SLC18A2: variants seen among roughly 807,000 people sequenced by gnomAD.
The protein encoded by SLC18A2 is solute carrier family 18 member A2.
Under a neutral mutation model 59.2 loss-of-function variants are expected in SLC18A2, and 33 were observed. The ratio of observed to expected loss-of-function variants is 0.56; its 90% CI spans 0.42 to 0.75. The LOEUF (loss-of-function observed/expected upper bound fraction) is 0.75, where lower values mean the gene tolerates loss of function less well. SLC18A2 is among the 30% of genes least tolerant of loss of function. The pLI is 0.00. For synonymous variants in SLC18A2, 228 were observed against 253.5 expected, an observed-to-expected ratio of 0.90 and a Z score of 0.95; for missense variants, 569 against 668.6, an observed-to-expected ratio of 0.85 and a Z score of 1.64.
In SLC18A2 at chr10:117,264,977, C is replaced by T. The variant is rs556027664; in HGVS notation, c.992-1756C>T. On this transcript the variant is annotated intron_variant, in intron 10 of 15. Coordinates refer to ENST00000644641, the MANE Select transcript of SLC18A2 (RefSeq NM_003054.6). ...AGTTTAAACGTCATCTGCTCCTTTC[C>T]TTCAAAACACTTGCGTCAGGACAAG... Among the ~76,000 whole-genome samples the T allele has an allele frequency of 5.9e-5, 9 of 152,288 alleles. No individual in the cohort carries two copies. The East Asian group carries it at 1.5e-3, about 26-fold the overall frequency.
At chr10:117,253,560 CG>C (rs199881047) in intron 4 of SLC18A2, 103 bp downstream of exon 4, 18 of 175,406 alleles carry the variant, frequency 1.0e-4, no homozygotes, top group African/African-American at 6.2e-4. Context: ...GGCGGGGGGG[CG>C]GGGGGGGTCG....
At chr10:117,276,716 T>C (rs182841443) in intron 15 of SLC18A2, among the ~76,000 whole-genome samples, 1 of 151,424 alleles carries the variant, frequency 6.6e-6, no homozygotes, top group African/African-American at 2.4e-5. Flanking sequence ...CAGACTTAGG[T>C]ACATTTCTCA....
rs188958648 is a variant in SLC18A2 at position 117,266,002 on chromosome 10, A to G, written c.992-731A>G. Among the ~76,000 whole-genome samples the G allele has an allele frequency of 9.3e-3, 1,407 of 150,898 alleles. 78 individuals carry two copies. The highest frequency in any genetic ancestry group is 0.088 in the Admixed American group (1,319 of 14,986). ...CTACTTGGGAGGCTGAGGCAAGAGA[A>G]TCACTTGAACCTGGGAGGCAGAGGT... On this transcript the variant is annotated intron_variant, in intron 10 of 15. Transcript: ENST00000644641.
At chr10:117,267,608 C>T (rs1218928512) in intron 12 of SLC18A2, 65 bp from the exon 13 acceptor site, 26 of 1,273,450 alleles carry the variant, frequency 2.0e-5, no homozygotes, top group Non-Finnish European at 2.9e-5. Flanking sequence ...AAGTTCAAGA[C>T]TTTCCGAGAT....
intron 15 of SLC18A2, among the ~76,000 whole-genome samples, chr10:117,274,292 T>A (rs1844460115): frequency 6.6e-6 from 1 of 152,174 alleles, no homozygotes; most frequent in South Asian, 2.1e-4. Context: ...CTAATAAATA[T>A]GTTTTTGGTG....
At chr10:117,275,301 G>A (rs1048340875) in intron 15 of SLC18A2, among the ~76,000 whole-genome samples, 1 of 152,140 alleles carries the variant, frequency 6.6e-6, no homozygotes, top group African/African-American at 2.4e-5. Context: ...ATGTTACACA[G>A]ATCACTGGAT....
At chr10:117,264,900 C>T (rs1565007246) in intron 10 of SLC18A2, among the ~76,000 whole-genome samples, 1 of 152,156 alleles carries the variant, frequency 6.6e-6, no homozygotes, top group African/African-American at 2.4e-5. Context: ...GTTCCAGGTC[C>T]CCAGAGCATG....
intron 10 of SLC18A2, 21 bp from the exon 11 acceptor site, chr10:117,266,712 C>T (rs752480059): frequency 6.4e-6 from 10 of 1,557,998 alleles, no homozygotes; most frequent in Non-Finnish European, 8.8e-6. Context: ...CTGATAAGGT[C>T]TCCTTTTCAT....
intron 4 of SLC18A2, among the ~76,000 whole-genome samples, 185 bp downstream of exon 4, chr10:117,253,642 C>T (rs1430093193): frequency 1.3e-5 from 2 of 151,928 alleles, no homozygotes; most frequent in Non-Finnish European, 2.9e-5. Flanking sequence ...GGTCAGGAGT[C>T]CGAGACCAAC....
chr10:117,264,034 A>T (rs1565006974), intron 10 of SLC18A2, among the ~76,000 whole-genome samples: 1 of 152,178 alleles, frequency 6.6e-6, no homozygotes, highest in Non-Finnish European at 1.5e-5. Flanking sequence ...GAGGAAACCC[A>T]AGGTCTCATT....
chr10:117,242,627 A>G (rs1022317766), intron 2 of SLC18A2, among the ~76,000 whole-genome samples: 1 of 152,226 alleles, frequency 6.6e-6, no homozygotes, highest in Non-Finnish European at 1.5e-5. Context: ...TACCAACGGC[A>G]TTAGTTCTGC....
chr10:117,267,038 G>A lies in SLC18A2; in HGVS notation c.1122+3G>A, dbSNP rs1248186052. ...TTGTTGGAGTCAGCATTTTATGTGT[G>A]AGTAAAAGATGGCATTTGACAAGTG... is the stretch of plus-strand genomic sequence containing the variant. On this transcript the variant is annotated splice_donor_region_variant and intron_variant, in intron 12 of 15. Transcript: ENST00000644641. The A allele has an allele frequency of 1.2e-6, 2 of 1,611,280 alleles. No individual in the cohort carries two copies. The highest frequency in any genetic ancestry group is 3.3e-5 in the Admixed American group (2 of 59,848).
intron 15 of SLC18A2, among the ~76,000 whole-genome samples, chr10:117,270,847 AC>A (rs1231215167): frequency 1.3e-5 from 2 of 152,100 alleles, no homozygotes; most frequent in African/African-American, 2.4e-5. Context: ...TTTTCTCATA[AC>A]CCTTACAGCA....
chr10:117,250,667 G>T (rs959216557), intron 3 of SLC18A2, among the ~76,000 whole-genome samples: 1 of 152,156 alleles, frequency 6.6e-6, no homozygotes, highest in African/African-American at 2.4e-5. Flanking sequence ...CACACTCAGG[G>T]TATGCCCGTA....
rs1028343735 is a variant in SLC18A2 at position 117,278,064 on chromosome 10, G to A, written c.*798G>A. On this transcript the variant is annotated 3_prime_UTR_variant, in exon 16 of 16. Transcript: ENST00000644641. Reference sequence around the variant, plus strand: ...CTTGTCTTACTGGATGAAGAAAATTGAGGGTACATGTACCTTATACTGTCA... The same window carrying A: ...CTTGTCTTACTGGATGAAGAAAATTAAGGGTACATGTACCTTATACTGTCA... The A allele has an allele frequency of 1.3e-5, 2 of 152,152 alleles. No homozygotes were observed. The highest frequency in any genetic ancestry group is 2.9e-5 in the Non-Finnish European group (2 of 68,012). The allele number at this position is 152,152 out of a possible 1,614,324, so 9.4% of individuals were successfully genotyped here.
intron 9 of SLC18A2, 47 bp downstream of exon 9, chr10:117,255,704 C>T: frequency 1.9e-6 from 3 of 1,570,336 alleles, no homozygotes; most frequent in Non-Finnish European, 8.7e-7. Context: ...GAGGTGATGG[C>T]CGCGTGCTGG....
chr10:117,273,095 G>A (rs151271214), intron 15 of SLC18A2, among the ~76,000 whole-genome samples: 22 of 152,344 alleles, frequency 1.4e-4, no homozygotes, highest in African/African-American at 4.1e-4. Flanking sequence ...GACTTAAGCT[G>A]TTTTATATTG....
intron 11 of SLC18A2, 46 bp downstream of exon 11, chr10:117,266,857 T>C: frequency 6.3e-7 from 1 of 1,576,742 alleles, no homozygotes; most frequent in South Asian, 1.1e-5. Flanking sequence ...AATAATGTAG[T>C]TCTTTCAAAA....
At chr10:117,261,364 A>G (rs1844293173) in intron 10 of SLC18A2, among the ~76,000 whole-genome samples, 1 of 151,788 alleles carries the variant, frequency 6.6e-6, no homozygotes, top group Non-Finnish European at 1.5e-5. Flanking sequence ...CTGGAGTGCA[A>G]TGGCGCGATC....
Sources: gnomAD v4.1 joint callset for allele counts (sites outside exome capture counted in the v4.1 genomes callset) on GRCh38, gnomAD v4.1.1 for gene constraint, MANE v1.5 for transcripts, NCBI Gene and HGNC (gene_info 2026-07-23, HGNC 2026-07-21) for gene names.